TTC3: variants seen among roughly 807,000 people sequenced by gnomAD.
TTC3 encodes the protein tetratricopeptide repeat domain 3, also known as E3 ubiquitin-protein ligase TTC3.
In TTC3, 180 loss-of-function variants were observed where a neutral mutation model predicts 249.6. That is an observed-to-expected ratio of 0.72 (90% confidence interval 0.64 to 0.82). The LOEUF (loss-of-function observed/expected upper bound fraction) is 0.82, where lower values mean the gene tolerates loss of function less well. TTC3 is among the 40% of genes least tolerant of loss of function. The pLI, the probability that TTC3 is intolerant of heterozygous loss-of-function variation, is 0.00. For synonymous variants in TTC3, 717 were observed against 805.0 expected, an observed-to-expected ratio of 0.89 and a Z score of 1.85; for missense variants, 2,061 against 2,398.4, an observed-to-expected ratio of 0.86 and a Z score of 2.94.
At chr21:37,140,604 A>G in exon 20 of TTC3, 1 of 1,604,496 alleles carries the variant, frequency 6.2e-7, no homozygotes, top group South Asian at 1.1e-5. Context: ...ATTATTGAAC[A>G]CTACCCCAGT....
At chr21:37,083,904 A>G (rs994903424) in intron 1 of TTC3, 13 of 152,222 alleles carry the variant, frequency 8.5e-5, no homozygotes, top group African/African-American at 3.1e-4. Context: ...TTAAACTGGT[A>G]CATAGATAAA....
At chr21:37,156,766 C>G (rs1190641719) in exon 28 of TTC3, 3 of 1,613,924 alleles carry the variant, frequency 1.9e-6, no homozygotes, top group Admixed American at 3.3e-5. Context: ...AAACTAGACT[C>G]TATAGAAGGA....
intron 7 of TTC3, among the ~76,000 whole-genome samples, chr21:37,091,952 T>G (rs1179344575): frequency 6.6e-6 from 1 of 152,246 alleles, no homozygotes; most frequent in Non-Finnish European, 1.5e-5. Flanking sequence ...ACATTGTACT[T>G]TAAAAATTTT....
chr21:37,132,922 C>T (rs1162394671), intron 17 of TTC3, among the ~76,000 whole-genome samples, 156 bp downstream of exon 17: 4 of 151,960 alleles, frequency 2.6e-5, no homozygotes, highest in African/African-American at 9.7e-5. Flanking sequence ...ACTGTGTTGT[C>T]CAGGTTGGTT....
chr21:37,167,536 T>G lies in TTC3; in HGVS notation c.4402-19T>G. On this transcript the variant is annotated intron_variant, in intron 33 of 45. Coordinates refer to ENST00000355666, the Ensembl canonical transcript of TTC3. ...AGCGATTGAGATAAAGTGAATTTTA[T>G]TTTTTGTTTTGCCCACAGGTATCTT... 6.7e-7 allele frequency: 1 copy of G among 1,492,952 alleles called. No homozygotes were observed. The highest frequency in any genetic ancestry group is 9.1e-7 in the Non-Finnish European group (1 of 1,104,058). 92.5% of individuals were successfully genotyped at this position (1,492,952 alleles called of 1,614,324 possible).
intron 42 of TTC3, among the ~76,000 whole-genome samples, chr21:37,196,810 C>A (rs1413413564): frequency 1.3e-5 from 2 of 152,158 alleles, no homozygotes; most frequent in Non-Finnish European, 2.9e-5. Context: ...GGATGGAATT[C>A]CATAGTGAAT....
chr21:37,180,226 G>C (rs532865134), intron 35 of TTC3, among the ~76,000 whole-genome samples: 1 of 152,146 alleles, frequency 6.6e-6, no homozygotes, highest in African/African-American at 2.4e-5. Flanking sequence ...GACCTTGTCT[G>C]CCAGAAAGTT....
chr21:37,138,300 T>G (rs1281031809), intron 18 of TTC3, among the ~76,000 whole-genome samples: 1 of 152,212 alleles, frequency 6.6e-6, no homozygotes, highest in Admixed American at 6.5e-5. Context: ...GGTATGCCTA[T>G]AATAGCTAAG....
At chr21:37,159,925 A>G (rs1443030354) in intron 29 of TTC3, among the ~76,000 whole-genome samples, 180 bp downstream of exon 29, 1 of 152,212 alleles carries the variant, frequency 6.6e-6, no homozygotes, top group African/African-American at 2.4e-5. Flanking sequence ...TTCCTCTCGG[A>G]ATTGGAGCAA....
intron 27 of TTC3, among the ~76,000 whole-genome samples, 182 bp from the exon 28 acceptor site, chr21:37,156,473 A>G (rs2080098003): frequency 6.6e-6 from 1 of 152,222 alleles, no homozygotes; most frequent in Admixed American, 6.5e-5. Flanking sequence ...TAGCCTAACA[A>G]TGTTAAATGG....
At chr21:37,090,169 C>T (rs886471179) in intron 5 of TTC3, 64 bp from the exon 6 acceptor site, 8 of 1,276,430 alleles carry the variant, frequency 6.3e-6, no homozygotes, top group South Asian at 3.9e-5. Context: ...GCCATTTTTC[C>T]GTTAGAAAAT....
At chr21:37,111,746 A>G (rs2075682186) in intron 11 of TTC3, among the ~76,000 whole-genome samples, 2 of 152,186 alleles carry the variant, frequency 1.3e-5, no homozygotes, top group Admixed American at 6.5e-5. Flanking sequence ...CAGAATATAC[A>G]TTATTTTCAG....
chr21:37,178,380 A>G (rs777970254), intron 35 of TTC3, among the ~76,000 whole-genome samples: 3 of 152,198 alleles, frequency 2.0e-5, no homozygotes, highest in Non-Finnish European at 4.4e-5. Context: ...ATTTAAGCGT[A>G]TGAGGAACTG....
chr21:37,095,550 A>T (rs1194475630), intron 9 of TTC3, 106 bp downstream of exon 9: 6 of 763,034 alleles, frequency 7.9e-6, no homozygotes, highest in African/African-American at 1.8e-5. Flanking sequence ...GTATCTTCCA[A>T]CTTGTGCAGA....
At chr21:37,078,045 A>C (rs1163352075) in intron 1 of TTC3, among the ~76,000 whole-genome samples, 3 of 150,042 alleles carry the variant, frequency 2.0e-5, no homozygotes, top group African/African-American at 7.4e-5. Context: ...ATCCACATTG[A>C]TTTTTTTTTT....
intron 23 of TTC3, 127 bp downstream of exon 23, chr21:37,148,774 A>G: frequency 1.6e-6 from 1 of 625,698 alleles, no homozygotes; most frequent in East Asian, 3.2e-5. Context: ...TTAATAATAA[A>G]GTGGAAAATC....
chr21:37,182,282 T>C (rs140200940), intron 35 of TTC3, among the ~76,000 whole-genome samples: 6 of 152,316 alleles, frequency 3.9e-5, no homozygotes, highest in Admixed American at 2.0e-4. Context: ...TACCAAACCC[T>C]CCAGGGGAAC....
exon 7 of TTC3, chr21:37,091,375 A>G: frequency 6.2e-7 from 1 of 1,610,988 alleles, no homozygotes; most frequent in Non-Finnish European, 8.5e-7. Flanking sequence ...GGATCAATTG[A>G]CAATTGTTGG....
intron 35 of TTC3, among the ~76,000 whole-genome samples, chr21:37,179,698 G>T (rs139897096): frequency 6.6e-6 from 1 of 151,908 alleles, no homozygotes; most frequent in African/African-American, 2.4e-5. Context: ...TTGAATGGGG[G>T]TCTCATTGTA....
Sources: allele counts gnomAD v4.1 joint callset (sites outside exome capture counted in the v4.1 genomes callset), GRCh38; gene constraint gnomAD v4.1.1; transcripts MANE v1.5; gene names NCBI Gene and HGNC (gene_info 2026-07-23, HGNC 2026-07-21).